CDYL2: variants seen among roughly 807,000 people sequenced by gnomAD.
CDYL2 encodes chromodomain Y like 2.
A neutral mutation model predicts 49.4 loss-of-function variants in CDYL2; 23 were observed. The ratio of observed to expected loss-of-function variants is 0.47; its 90% CI spans 0.34 to 0.66. The LOEUF is 0.66. CDYL2 is among the 30% of genes least tolerant of loss of function. The pLI, the probability that CDYL2 is intolerant of heterozygous loss-of-function variation, is 0.01. For missense variants in CDYL2, 678 were observed against 656.4 expected (o/e 1.03, Z -0.36); for synonymous variants, 360 against 268.8 (o/e 1.34, Z -3.32).
At position 80,712,215 on chromosome 16, in the gene CDYL2, A is replaced by ATATATATCTC. The variant is rs763194077; in HGVS notation, c.25-27087_25-27086insGAGATATATA. On this transcript the variant is annotated intron_variant, in intron 1 of 6. Transcript: ENST00000570137. ...TGTATATATATATATATATATATAT[A>ATATATATCTC]TCTCCAAACCACTGCTCACTGTGAT... Among the ~76,000 whole-genome samples, 25 of 128,358 alleles carry ATATATATCTC rather than the reference A, an allele frequency of 1.9e-4. 2 individuals carry two copies. The highest frequency in any genetic ancestry group is 3.5e-4 in the Non-Finnish European group (20 of 56,976). 84.2% of individuals were successfully genotyped at this position (128,358 alleles called of 152,430 possible).
intron 1 of CDYL2, among the ~76,000 whole-genome samples, chr16:80,718,182 A>G (rs1904876493): frequency 1.3e-5 from 2 of 152,254 alleles, no homozygotes; most frequent in African/African-American, 4.8e-5. Flanking sequence ...CTGCTATACC[A>G]GGCTGCATAG....
rs922231130 is a variant in CDYL2, at chr16:80,684,847, A to G, written c.307T>C (p.Ser103Pro). ...GGGTTAATTCGCTTCCGTTTATGGGAGGTCCCCTTGCTCTTTCCAGGATCT... is the reference window on the plus strand; with the variant it reads ...GGGTTAATTCGCTTCCGTTTATGGGGGGTCCCCTTGCTCTTTCCAGGATCT... Reference protein sequence around the residue: ...PSDPGKSKGTSHKRKRINPPL... With the variant: ...PSDPGKSKGTPHKRKRINPPL... Residue 103 changes from serine (S) to proline (P), a missense_variant, in exon 2 of 7, where the codon TCC becomes CCC. Ser to Pro is a moderately conservative substitution (Grantham distance 74). Around this residue, in one of 3 missense-constraint regions of CDYL2, gnomAD observed 478 missense variants for 427.0 expected, o/e 1.12. Coordinates refer to ENST00000570137, the MANE Select transcript of CDYL2 (RefSeq NM_152342.4). 1.9e-6 allele frequency: 3 copies of G among 1,613,894 alleles called. No homozygotes were observed. In the African/African-American group the frequency reaches 4.0e-5, roughly 22 times the overall value.
intron 2 of CDYL2, among the ~76,000 whole-genome samples, chr16:80,642,699 G>C (rs2142406858): frequency 6.6e-6 from 1 of 152,184 alleles, no homozygotes; most frequent in South Asian, 2.1e-4. Context: ...AGTGGCAAGA[G>C]GAAATAAGGA....
At chr16:80,681,562 C>T (rs1406422961) in intron 2 of CDYL2, among the ~76,000 whole-genome samples, 1 of 152,226 alleles carries the variant, frequency 6.6e-6, no homozygotes, top group Admixed American at 6.5e-5. Context: ...CTCTCCTTCT[C>T]TCTCAAGCAA....
chr16:80,801,444 T>C (rs1907924032), intron 1 of CDYL2, among the ~76,000 whole-genome samples: 7 of 152,216 alleles, frequency 4.6e-5, no homozygotes, highest in Admixed American at 4.6e-4. Context: ...AACTTAATTG[T>C]CTGAAATGCC....
chr16:80,764,277 C>A (rs990792561), intron 1 of CDYL2, among the ~76,000 whole-genome samples: 1 of 152,114 alleles, frequency 6.6e-6, no homozygotes, highest in African/African-American at 2.4e-5. Context: ...TACCTAAGAA[C>A]TGTTTTAAAA....
chr16:80,689,725 G>C lies in CDYL2; in HGVS notation c.25-4596C>G, dbSNP rs569041382. 6.6e-5 allele frequency among the ~76,000 whole-genome samples: 10 copies of C among 152,336 alleles called. 1 individual carries two copies. The highest frequency in any genetic ancestry group is 2.4e-4 in the African/African-American group (10 of 41,570). On this transcript the variant is annotated intron_variant, in intron 1 of 6. Transcript: ENST00000570137. Reference sequence around the variant, plus strand: ...AGGATCACTGATACGCGAGGCACCAGCGTGCAACAAGAAACCTCGCAGACC... The same window carrying C: ...AGGATCACTGATACGCGAGGCACCACCGTGCAACAAGAAACCTCGCAGACC...
At chr16:80,628,757 C>G (rs543180910) in intron 3 of CDYL2, among the ~76,000 whole-genome samples, 1 of 152,328 alleles carries the variant, frequency 6.6e-6, no homozygotes, top group East Asian at 1.9e-4. Flanking sequence ...AGTCCAGACC[C>G]TTTCACATAA....
In CDYL2 at chr16:80,633,085, C is replaced by T. The variant is rs916206319; in HGVS notation, c.768G>A (p.Lys256=). 1.2e-6 allele frequency: 2 copies of T among 1,614,038 alleles called. No individual in the cohort carries two copies. The highest frequency in any genetic ancestry group is 1.7e-6 in the Non-Finnish European group (2 of 1,180,022). ...GCAGGATGTGCGTGAACCCTTCTTC[C>T]TTCCGCACAACGATGTCTCGAAACC... ...NCRFRDIVVR[K]EEGFTHILLS... Residue 256 remains lysine, a synonymous_variant, in exon 3 of 7, where the codon AAG becomes AAA. Coordinates refer to ENST00000570137, the MANE Select transcript of CDYL2 (RefSeq NM_152342.4).
At chr16:80,742,467 T>TGGATGGAC (rs1247093752) in intron 1 of CDYL2, among the ~76,000 whole-genome samples, 6 of 150,666 alleles carry the variant, frequency 4.0e-5, no homozygotes, top group Admixed American at 2.0e-4. Context: ...GATGCATGGA[T>TGGATGGAC]GGATGGATGG....
chr16:80,677,528 G>A (rs540917665), intron 2 of CDYL2, among the ~76,000 whole-genome samples: 29 of 152,042 alleles, frequency 1.9e-4, no homozygotes, highest in Admixed American at 3.3e-4. Context: ...CACGAGGTCA[G>A]GAGATGAGAC....
intron 1 of CDYL2, among the ~76,000 whole-genome samples, chr16:80,790,996 A>G (rs1391238591): frequency 6.6e-6 from 1 of 152,226 alleles, no homozygotes; most frequent in African/African-American, 2.4e-5. Context: ...GTCTCCTTCA[A>G]CAGAGTATAT....
At chr16:80,662,810 G>C in intron 2 of CDYL2, 1 of 453,798 alleles carries the variant, frequency 2.2e-6, no homozygotes, top group Middle Eastern at 3.3e-4. Context: ...AATCATCATG[G>C]ATACCTTCCA....
chr16:80,755,888 G>C (rs1021609772), intron 1 of CDYL2, among the ~76,000 whole-genome samples: 4 of 152,154 alleles, frequency 2.6e-5, no homozygotes, highest in Admixed American at 2.6e-4. Context: ...TGTACTTTCT[G>C]CTGAATTTTT....
chr16:80,793,767 G>T (rs1907681416), intron 1 of CDYL2, among the ~76,000 whole-genome samples: 1 of 152,124 alleles, frequency 6.6e-6, no homozygotes, highest in Non-Finnish European at 1.5e-5. Flanking sequence ...TAATTTCTCA[G>T]TGTAGATTTC....
chr16:80,757,862 A>C (rs1906368425), intron 1 of CDYL2, among the ~76,000 whole-genome samples: 1 of 152,122 alleles, frequency 6.6e-6, no homozygotes, highest in African/African-American at 2.4e-5. Flanking sequence ...TATTCTTTCC[A>C]AGTCTACTAA....
chr16:80,642,235 G>A (rs762674543), intron 2 of CDYL2, among the ~76,000 whole-genome samples: 2 of 152,110 alleles, frequency 1.3e-5, no homozygotes, highest in African/African-American at 4.8e-5. Flanking sequence ...TTGAGGTCAG[G>A]AGTTCGTGAC....
chr16:80,673,641 C>A (rs1298601734), intron 2 of CDYL2, among the ~76,000 whole-genome samples: 1 of 152,136 alleles, frequency 6.6e-6, no homozygotes, highest in East Asian at 1.9e-4. Context: ...AGAATACAAA[C>A]CCATATGCAT....
At chr16:80,628,228 C>A (rs915094433) in intron 3 of CDYL2, 1 of 152,220 alleles carries the variant, frequency 6.6e-6, no homozygotes, top group Non-Finnish European at 1.5e-5. Context: ...GTGATTTAAA[C>A]CCCTTGTATT....
Sources: gnomAD v4.1 joint callset for allele counts (sites outside exome capture counted in the v4.1 genomes callset) on GRCh38, gnomAD v4.1.1 for gene constraint, gnomAD v4.1.1 regional missense constraint, MANE v1.5 for transcripts, NCBI Gene and HGNC (gene_info 2026-07-23, HGNC 2026-07-21) for gene names.